Variants in ITGA9 observed in about 807,000 individuals in gnomAD.
ITGA9 encodes the protein integrin alpha-9.
In ITGA9, 56 loss-of-function variants were observed where a neutral mutation model predicts 127.8. The ratio of observed to expected loss-of-function variants is 0.44; its 90% CI spans 0.35 to 0.55. The LOEUF (loss-of-function observed/expected upper bound fraction) is 0.55, where lower values mean the gene tolerates loss of function less well. Ranked by LOEUF, ITGA9 falls within the 20% of genes least tolerant of loss-of-function variation. The pLI is 0.00. For missense variants in ITGA9, 1,196 were observed against 1,347.1 expected, an observed-to-expected ratio of 0.89 and a Z score of 1.76; for synonymous variants, 508 against 514.5, an observed-to-expected ratio of 0.99 and a Z score of 0.17.
chr3:37,533,582 C>T, intron 14 of ITGA9, 114 bp downstream of exon 14: 1 of 1,029,274 alleles, frequency 9.7e-7, no homozygotes, highest in South Asian at 1.4e-5. Context: ...AGGCAGCAGG[C>T]ACACAGGCTG....
chr3:37,753,099 G>A (rs886144254), intron 23 of ITGA9, among the ~76,000 whole-genome samples: 1 of 152,200 alleles, frequency 6.6e-6, no homozygotes, highest in Non-Finnish European at 1.5e-5. Flanking sequence ...GGTCACTGTG[G>A]ACCTAGTGTC....
chr3:37,788,189 C>T (rs1697064032), intron 26 of ITGA9, among the ~76,000 whole-genome samples: 1 of 152,144 alleles, frequency 6.6e-6, no homozygotes, highest in Admixed American at 6.5e-5. Flanking sequence ...ATATCATTTC[C>T]AGGGCATCTC....
In ITGA9 at chr3:37,750,522, C is replaced by T; in HGVS notation, c.2494C>T (p.Arg832Ter). Residue 832 changes from arginine (R) to a stop codon, truncating the protein, a stop_gained, in exon 23 of 28, where the codon CGA (arginine) becomes TGA (stop). Transcript: ENST00000264741. LOFTEE classifies it high-confidence loss of function. ...GSSVSISFPN[R>*]LSSGGAEMFH... ...ATCTGTCAGCATCTCTTTCCCTAATCGACTCTCATCTGGTGGTGCAGAGAT... is the reference window on the plus strand; with the variant it reads ...ATCTGTCAGCATCTCTTTCCCTAATTGACTCTCATCTGGTGGTGCAGAGAT... 1.9e-6 allele frequency: 3 copies of T among 1,613,916 alleles called. No homozygotes were observed. The highest frequency in any genetic ancestry group is 2.2e-5 in the South Asian group (2 of 91,074).
chr3:37,509,567 C>T (rs1208356193), intron 8 of ITGA9, among the ~76,000 whole-genome samples: 1 of 152,066 alleles, frequency 6.6e-6, no homozygotes, highest in Non-Finnish European at 1.5e-5. Flanking sequence ...AGGATCCTTC[C>T]ATGTTGTTCT....
intron 15 of ITGA9, among the ~76,000 whole-genome samples, chr3:37,585,454 C>T (rs1699748847): frequency 6.6e-6 from 1 of 152,218 alleles, no homozygotes; most frequent in Admixed American, 6.5e-5. Flanking sequence ...GAACCTGGCA[C>T]AGTAAATTCA....
intron 15 of ITGA9, among the ~76,000 whole-genome samples, chr3:37,555,222 C>T (rs1374860465): frequency 2.0e-5 from 3 of 152,324 alleles, no homozygotes; most frequent in Admixed American, 6.5e-5. Context: ...CTGCTTATAA[C>T]GCATTGACCA....
chr3:37,543,734 T>C (rs1206875640), intron 15 of ITGA9, among the ~76,000 whole-genome samples: 4 of 152,190 alleles, frequency 2.6e-5, no homozygotes, highest in African/African-American at 9.7e-5. Flanking sequence ...CAGCTGCTTC[T>C]AGATGCTTCA....
intron 3 of ITGA9, among the ~76,000 whole-genome samples, chr3:37,477,342 A>G (rs1694046674): frequency 6.6e-6 from 1 of 152,038 alleles, no homozygotes; most frequent in African/African-American, 2.4e-5. Flanking sequence ...CTGATAGAAA[A>G]CCTAAGAACA....
intron 4 of ITGA9, among the ~76,000 whole-genome samples, chr3:37,493,817 TTTCCTACC>T (rs1698697517): frequency 6.6e-5 from 10 of 152,172 alleles, no homozygotes; most frequent in African/African-American, 2.2e-4. Context: ...TTGTCAAAAG[TTTCCTACC>T]CCTCTTCCTT....
At chr3:37,506,959 G>A (rs1698850880) in intron 7 of ITGA9, among the ~76,000 whole-genome samples, 1 of 152,178 alleles carries the variant, frequency 6.6e-6, no homozygotes, top group East Asian at 1.9e-4. Flanking sequence ...GGTAATTGGA[G>A]CCTTCAGCCA....
intron 6 of ITGA9, among the ~76,000 whole-genome samples, chr3:37,505,582 G>T (rs1698831717): frequency 6.6e-6 from 1 of 152,176 alleles, no homozygotes; most frequent in South Asian, 2.1e-4. Context: ...AAGGGCATGA[G>T]GGAACCCTCT....
intron 10 of ITGA9, among the ~76,000 whole-genome samples, chr3:37,518,093 CGT>C (rs55842055): frequency 6.4e-4 from 92 of 144,006 alleles, no homozygotes; most frequent in African/African-American, 1.1e-3. Context: ...AGAGTGTACG[CGT>C]GTGTGTGTGT....
intron 15 of ITGA9, among the ~76,000 whole-genome samples, chr3:37,611,775 C>T (rs538649495): frequency 1.3e-5 from 2 of 152,180 alleles, no homozygotes; most frequent in South Asian, 4.2e-4. Context: ...TCTGGATACC[C>T]TCTCAGGGCT....
At chr3:37,493,843 T>C (rs1043056444) in intron 4 of ITGA9, among the ~76,000 whole-genome samples, 2 of 152,126 alleles carry the variant, frequency 1.3e-5, no homozygotes, top group African/African-American at 4.8e-5. Flanking sequence ...CTTGCCAGCT[T>C]AAAATTATAA....
At chr3:37,556,516 G>A (rs1310709368) in intron 15 of ITGA9, among the ~76,000 whole-genome samples, 1 of 152,208 alleles carries the variant, frequency 6.6e-6, no homozygotes, top group Non-Finnish European at 1.5e-5. Context: ...CTGGACCAGA[G>A]CAAGCCAGAG....
At chr3:37,464,278 T>A (rs1049499203) in intron 1 of ITGA9, among the ~76,000 whole-genome samples, 1 of 147,036 alleles carries the variant, frequency 6.8e-6, no homozygotes, top group Non-Finnish European at 1.5e-5. Context: ...TTGTCAGGGT[T>A]TTTTTTTTTT....
chr3:37,655,632 A>G (rs1272259039), intron 17 of ITGA9, among the ~76,000 whole-genome samples: 1 of 152,066 alleles, frequency 6.6e-6, no homozygotes, highest in Admixed American at 6.6e-5. Context: ...ATTTTCTCCC[A>G]TTCTGTAGGT....
intron 2 of ITGA9, among the ~76,000 whole-genome samples, 192 bp from the exon 3 acceptor site, chr3:37,473,150 AAAAAAAAAAAAG>A (rs1407430511): frequency 2.0e-5 from 3 of 151,480 alleles, no homozygotes; most frequent in Non-Finnish European, 4.4e-5. Context: ...AAAAAAAAAA[AAAAAAAAAAAAG>A]AAAGAAAAAG....
intron 17 of ITGA9, among the ~76,000 whole-genome samples, chr3:37,675,775 T>C (rs1700675591): frequency 2.7e-5 from 4 of 149,416 alleles, no homozygotes; most frequent in African/African-American, 1.0e-4. Flanking sequence ...GATGGAATCT[T>C]GCTCTTTTGC....
Sources: gnomAD v4.1 joint callset for allele counts (sites outside exome capture counted in the v4.1 genomes callset) on GRCh38, gnomAD v4.1.1 for gene constraint, MANE v1.5 for transcripts, NCBI Gene and HGNC (gene_info 2026-07-23, HGNC 2026-07-21) for gene names.